COL22A1: variants seen among roughly 807,000 people sequenced by gnomAD.
COL22A1 encodes the protein collagen type XXII alpha 1 chain, also known as collagen alpha-1(XXII) chain.
A neutral mutation model predicts 248.9 loss-of-function variants in COL22A1; 221 were observed. The observed-to-expected ratio is 0.89, with a 90% confidence interval of 0.80 to 0.99. COL22A1 has a LOEUF of 0.99. Among genes scored for constraint, COL22A1 ranks in the 50% least tolerant of loss-of-function variants. The probability of loss-of-function intolerance (pLI) is 0.00; values close to 1 mark genes in which losing one functional copy is unlikely to be tolerated. For synonymous variants in COL22A1, 891 were observed against 793.4 expected (o/e 1.12, Z -2.07); for missense variants, 2,240 against 2,179.0 (o/e 1.03, Z -0.56).
chr8:138,710,947 G>A (rs1369259502), intron 30 of COL22A1, among the ~76,000 whole-genome samples: 1 of 152,048 alleles, frequency 6.6e-6, no homozygotes, highest in Non-Finnish European at 1.5e-5. Context: ...TATATGAATG[G>A]GTATCAATGA....
At chr8:138,661,054 GCACA>G (rs1427996508) in intron 43 of COL22A1, among the ~76,000 whole-genome samples, 11 of 113,270 alleles carry the variant, frequency 9.7e-5, no homozygotes, top group Non-Finnish European at 1.4e-4. Flanking sequence ...ACACACACAC[GCACA>G]CACACCCACA....
intron 22 of COL22A1, among the ~76,000 whole-genome samples, chr8:138,750,827 CAG>C (rs893650741): frequency 5.3e-5 from 8 of 152,194 alleles, no homozygotes; most frequent in African/African-American, 1.9e-4. Flanking sequence ...ACTGGGGACA[CAG>C]AGTTGAGTCT....
chr8:138,875,850 T>C (rs1057191835), intron 3 of COL22A1, among the ~76,000 whole-genome samples: 1 of 152,208 alleles, frequency 6.6e-6, no homozygotes, highest in African/African-American at 2.4e-5. Context: ...TGAAGTCACG[T>C]ATGGGAAGTC....
At chr8:138,700,820 T>TA (rs34583125) in intron 31 of COL22A1, among the ~76,000 whole-genome samples, 4 of 151,824 alleles carry the variant, frequency 2.6e-5, no homozygotes, top group African/African-American at 9.7e-5. Flanking sequence ...CAGTCTCTAC[T>TA]AAAAAATACA....
chr8:138,789,069 C>T (rs1010310451), intron 12 of COL22A1, among the ~76,000 whole-genome samples: 4 of 152,202 alleles, frequency 2.6e-5, no homozygotes, highest in African/African-American at 9.7e-5. Context: ...CTCTCACCCT[C>T]TTGTATGAAG....
At position 138,840,557 on chromosome 8, in the gene COL22A1, A is replaced by ACGCG. The variant is rs1554643255; in HGVS notation, c.733+3523_733+3526dup. ...AGTACACACACACACACACACACAC[A>ACGCG]CGCGCTCCTGAATCTTCCCAGCAAG... On this transcript the variant is annotated intron_variant, in intron 4 of 64. Transcript: ENST00000303045. 2.0e-3 allele frequency among the ~76,000 whole-genome samples: 309 copies of ACGCG among 150,782 alleles called. 1 individual carries two copies. Among genetic ancestry groups the ACGCG allele is most frequent in the South Asian group, 0.012 (59 of 4,752 alleles).
intron 3 of COL22A1, among the ~76,000 whole-genome samples, chr8:138,847,292 G>A (rs955326552): frequency 6.6e-6 from 1 of 152,190 alleles, no homozygotes; most frequent in South Asian, 2.1e-4. Flanking sequence ...GTGGAATGGG[G>A]AGCCTCCCAG....
chr8:138,766,357 G>A (rs1034354248), intron 16 of COL22A1, among the ~76,000 whole-genome samples: 12 of 152,236 alleles, frequency 7.9e-5, no homozygotes, highest in African/African-American at 2.9e-4. Flanking sequence ...ATGGCTGCGG[G>A]CCTGATGGAT....
intron 4 of COL22A1, among the ~76,000 whole-genome samples, chr8:138,837,311 C>T (rs550853795): frequency 1.3e-3 from 205 of 152,306 alleles, no homozygotes; most frequent in South Asian, 3.7e-3. Context: ...CCACACCTAC[C>T]GGAGAGGGAG....
intron 1 of COL22A1, among the ~76,000 whole-genome samples, chr8:138,901,772 A>C (rs1814590986): frequency 6.6e-6 from 1 of 152,010 alleles, no homozygotes; most frequent in Non-Finnish European, 1.5e-5. Context: ...CTTTGGATAA[A>C]GTCCGAGTGC....
At position 138,668,983 on chromosome 8, in the gene COL22A1, C is replaced by G. The variant is rs192000474; in HGVS notation, c.3151-5243G>C. Among the ~76,000 whole-genome samples, 3 of 152,300 alleles carry G rather than the reference C, an allele frequency of 2.0e-5. No homozygotes were observed. The East Asian group carries it at 5.8e-4, about 29-fold the overall frequency. ...GAGATGTCTCTGGCAGAGGAGAACA[C>G]TACGCAAAGAGGAGAAGTCAGACTC... On this transcript the variant is annotated intron_variant, in intron 41 of 64. Transcript: ENST00000303045.
chr8:138,771,905 C>T (rs955499607), intron 16 of COL22A1, among the ~76,000 whole-genome samples: 3 of 152,162 alleles, frequency 2.0e-5, no homozygotes, highest in African/African-American at 7.2e-5. Flanking sequence ...CTCAGGAGCT[C>T]ACCCGAAGCC....
At chr8:138,674,870 A>C (rs780456688) in intron 41 of COL22A1, among the ~76,000 whole-genome samples, 1 of 152,206 alleles carries the variant, frequency 6.6e-6, no homozygotes, top group Non-Finnish European at 1.5e-5. Context: ...AGAAAGAAGA[A>C]GGCATAAACT....
chr8:138,657,032 C>T (rs1367118762), intron 44 of COL22A1, among the ~76,000 whole-genome samples: 3 of 152,162 alleles, frequency 2.0e-5, no homozygotes, highest in South Asian at 2.1e-4. Flanking sequence ...TGGCCTGAAA[C>T]GTGCTGGTGG....
chr8:138,690,992 A>T, intron 35 of COL22A1, 118 bp from the exon 36 acceptor site: 1 of 748,538 alleles, frequency 1.3e-6, no homozygotes, highest in Non-Finnish European at 2.1e-6. Context: ...ACTGCTGCTG[A>T]CCTGACAGCC....
intron 12 of COL22A1, among the ~76,000 whole-genome samples, chr8:138,785,164 C>T (rs1815405661): frequency 6.6e-6 from 1 of 152,164 alleles, no homozygotes; most frequent in South Asian, 2.1e-4. Flanking sequence ...CCTCTTCAGC[C>T]TCCACCAGCC....
rs1281897170 is a variant in COL22A1 at position 138,775,950 on chromosome 8, T to G, written c.1803+16A>C. ...ATGGAAAGCCGTATTGATGAATGAG[T>G]GCAGACTATAAATACCTTTTCTCCT... On this transcript the variant is annotated intron_variant, in intron 16 of 64. Transcript: ENST00000303045. The G allele has an allele frequency of 1.9e-6, 3 of 1,613,172 alleles. No homozygotes were observed. Among genetic ancestry groups the G allele is most frequent in the Non-Finnish European group, 2.5e-6 (3 of 1,179,154 alleles).
intron 3 of COL22A1, among the ~76,000 whole-genome samples, chr8:138,868,789 G>A (rs1159359155): frequency 6.6e-6 from 1 of 150,840 alleles, no homozygotes; most frequent in Non-Finnish European, 1.5e-5. Context: ...GGAGTATAAT[G>A]GCACAATCTC....
chr8:138,838,803 T>C (rs1820639662), intron 4 of COL22A1, among the ~76,000 whole-genome samples: 1 of 151,580 alleles, frequency 6.6e-6, no homozygotes, highest in Admixed American at 6.6e-5. Context: ...ATGCAAAAAA[T>C]AGAGGGAGCA....
Sources: allele counts gnomAD v4.1 joint callset (sites outside exome capture counted in the v4.1 genomes callset), GRCh38; gene constraint gnomAD v4.1.1; transcripts MANE v1.5; gene names NCBI Gene and HGNC (gene_info 2026-07-23, HGNC 2026-07-21).